ATP9B: variants seen among roughly 807,000 people sequenced by gnomAD.
The protein encoded by ATP9B is ATPase phospholipid transporting 9B.
A neutral mutation model predicts 146.1 loss-of-function variants in ATP9B; 110 were observed. The observed-to-expected ratio is 0.75, with a 90% CI of 0.65 to 0.88. The LOEUF is 0.88. Among genes scored for constraint, ATP9B ranks in the 40% least tolerant of loss-of-function variants. ATP9B has a pLI of 0.00. For synonymous variants in ATP9B, 604 were observed against 569.7 expected, an observed-to-expected ratio of 1.06 and a Z score of -0.86; for missense variants, 1,499 against 1,496.4, an observed-to-expected ratio of 1.00 and a Z score of -0.03.
At chr18:79,266,097 G>C (rs1450582671) in intron 12 of ATP9B, among the ~76,000 whole-genome samples, 1 of 151,990 alleles carries the variant, frequency 6.6e-6, no homozygotes, top group African/African-American at 2.4e-5. Context: ...ATTCATCCTT[G>C]TGTTCTTTAA....
chr18:79,273,609 A>G (rs2096278079), intron 12 of ATP9B, among the ~76,000 whole-genome samples: 1 of 152,228 alleles, frequency 6.6e-6, no homozygotes, highest in Non-Finnish European at 1.5e-5. Flanking sequence ...ATCTCGCGCG[A>G]TTCTCAGACA....
intron 2 of ATP9B, among the ~76,000 whole-genome samples, chr18:79,107,086 C>T (rs1265602439): frequency 1.3e-5 from 2 of 152,112 alleles, no homozygotes; most frequent in African/African-American, 4.8e-5. Flanking sequence ...TGTCTTAGAG[C>T]AAAAATTCAT....
intron 12 of ATP9B, among the ~76,000 whole-genome samples, chr18:79,266,359 A>G (rs2096203879): frequency 6.6e-6 from 1 of 152,040 alleles, no homozygotes; most frequent in Admixed American, 6.5e-5. Flanking sequence ...TTATTTATTA[A>G]TCTAGGTGTA....
intron 12 of ATP9B, among the ~76,000 whole-genome samples, chr18:79,260,783 C>T (rs747727067): frequency 2.0e-4 from 30 of 152,324 alleles, no homozygotes; most frequent in Admixed American, 3.9e-4. Context: ...GTGCAGAGGC[C>T]ATGGAGCTGC....
intron 17 of ATP9B, among the ~76,000 whole-genome samples, chr18:79,334,453 A>G (rs549528050): frequency 2.0e-5 from 3 of 152,240 alleles, no homozygotes; most frequent in Non-Finnish European, 4.4e-5. Context: ...TACTTTTTAT[A>G]GAACACACCA....
intron 4 of ATP9B, among the ~76,000 whole-genome samples, chr18:79,121,855 A>G (rs573764436): frequency 1.1e-4 from 16 of 152,254 alleles, no homozygotes; most frequent in African/African-American, 2.4e-4. Context: ...TTAGGACCTA[A>G]CCCTCTTTAT....
At chr18:79,332,645 C>G (rs931541600) in intron 17 of ATP9B, among the ~76,000 whole-genome samples, 27 of 152,034 alleles carry the variant, frequency 1.8e-4, no homozygotes, top group Non-Finnish European at 3.1e-4. Flanking sequence ...AAGCTCACTC[C>G]GCATAAACTT....
chr18:79,242,682 A>G (rs2095900961), intron 11 of ATP9B, among the ~76,000 whole-genome samples: 1 of 152,364 alleles, frequency 6.6e-6, no homozygotes, highest in East Asian at 1.9e-4. Context: ...TTATTTGGAA[A>G]TTAATACAGA....
At chr18:79,195,958 G>A (rs1014853827) in intron 9 of ATP9B, among the ~76,000 whole-genome samples, 2 of 152,312 alleles carry the variant, frequency 1.3e-5, no homozygotes, top group South Asian at 4.1e-4. Flanking sequence ...AAGGATGTCT[G>A]AAGGTACACA....
At chr18:79,368,860 C>T (rs564909694) in intron 26 of ATP9B, among the ~76,000 whole-genome samples, 1 of 151,952 alleles carries the variant, frequency 6.6e-6, no homozygotes, top group South Asian at 2.1e-4. Flanking sequence ...GCAGAGCAGG[C>T]CAGGCACTGA....
At chr18:79,078,431 T>G (rs997618293) in intron 1 of ATP9B, among the ~76,000 whole-genome samples, 1 of 152,166 alleles carries the variant, frequency 6.6e-6, no homozygotes, top group Non-Finnish European at 1.5e-5. Flanking sequence ...TCTCTCCACA[T>G]TTTGATGTAT....
At chr18:79,287,307 G>T (rs1173549478) in intron 13 of ATP9B, among the ~76,000 whole-genome samples, 1 of 152,172 alleles carries the variant, frequency 6.6e-6, no homozygotes, top group Non-Finnish European at 1.5e-5. Context: ...CCTGTTATTG[G>T]TCTATTCAGA....
chr18:79,233,217 G>A lies in ATP9B; in HGVS notation c.1107+19179G>A, dbSNP rs372964224. 2.4e-3 allele frequency among the ~76,000 whole-genome samples: 367 copies of A among 152,118 alleles called. 2 individuals carry two copies. Among genetic ancestry groups the A allele is most frequent in the South Asian group, 6.4e-3 (31 of 4,810 alleles). On this transcript the variant is annotated intron_variant, in intron 11 of 29. Transcript: ENST00000426216. Reference sequence around the variant, plus strand: ...TGAAGCAGGAGAATCACTTGAACCCGGAAGGCAGAGCTTTCAGTGAGCCGA... The same window carrying A: ...TGAAGCAGGAGAATCACTTGAACCCAGAAGGCAGAGCTTTCAGTGAGCCGA...
intron 13 of ATP9B, among the ~76,000 whole-genome samples, chr18:79,287,837 A>G (rs1236712190): frequency 2.0e-5 from 3 of 149,618 alleles, no homozygotes; most frequent in Non-Finnish European, 4.5e-5. Flanking sequence ...CGTTGGTTTC[A>G]AAGAACATCT....
chr18:79,287,484 G>T (rs1326988717), intron 13 of ATP9B, among the ~76,000 whole-genome samples: 1 of 152,034 alleles, frequency 6.6e-6, no homozygotes, highest in African/African-American at 2.4e-5. Context: ...ATTTTTTATT[G>T]CGTCTATTTG....
At chr18:79,329,906 A>G (rs1432655356) in intron 16 of ATP9B, 106 bp from the exon 17 acceptor site, 1 of 1,005,936 alleles carries the variant, frequency 9.9e-7, no homozygotes, top group African/African-American at 1.6e-5. Context: ...ACAGGAACAC[A>G]TTCATAGGAA....
chr18:79,217,964 T>C (rs1323081182), intron 11 of ATP9B, among the ~76,000 whole-genome samples: 1 of 152,234 alleles, frequency 6.6e-6, no homozygotes, highest in African/African-American at 2.4e-5. Flanking sequence ...TATTGGGACA[T>C]TGATACATTG....
At chr18:79,274,007 C>A (rs539452093) in intron 12 of ATP9B, among the ~76,000 whole-genome samples, 1 of 152,138 alleles carries the variant, frequency 6.6e-6, no homozygotes, top group Admixed American at 6.5e-5. Flanking sequence ...AGGTAACTGT[C>A]TGAAATGACA....
At chr18:79,138,420 C>T (rs1422453411) in intron 5 of ATP9B, among the ~76,000 whole-genome samples, 3 of 152,144 alleles carry the variant, frequency 2.0e-5, no homozygotes, top group Non-Finnish European at 4.4e-5. Context: ...CTAGTTTGTT[C>T]ACTCAGCCAC....
Sources: allele counts gnomAD v4.1 joint callset (sites outside exome capture counted in the v4.1 genomes callset), GRCh38; gene constraint gnomAD v4.1.1; transcripts MANE v1.5; gene names NCBI Gene and HGNC (gene_info 2026-07-23, HGNC 2026-07-21).